HSD17B14: variants seen among roughly 807,000 people sequenced by gnomAD.
HSD17B14 encodes the protein hydroxysteroid 17-beta dehydrogenase 14.
Under a neutral mutation model 32.2 loss-of-function variants are expected in HSD17B14, and 32 were observed. The observed-to-expected ratio is 0.99, with a 90% confidence interval of 0.75 to 1.33. The LOEUF is 1.33. Ranked by LOEUF, HSD17B14 falls within the 40% of genes most tolerant of loss-of-function variation. HSD17B14 has a pLI of 0.00. For missense variants in HSD17B14, 370 were observed against 366.5 expected (o/e 1.01, Z -0.08); for synonymous variants, 140 against 155.4 (o/e 0.90, Z 0.74).
chr19:48,833,485 A>T (rs556370076), intron 3 of HSD17B14, among the ~76,000 whole-genome samples: 22 of 152,286 alleles, frequency 1.4e-4, no homozygotes, highest in Admixed American at 2.6e-4. Context: ...TGAGGTCAGG[A>T]GTTCGAGACC....
chr19:48,823,402 A>G (rs2035191664), intron 5 of HSD17B14, among the ~76,000 whole-genome samples: 2 of 151,948 alleles, frequency 1.3e-5, no homozygotes, highest in African/African-American at 2.4e-5. Flanking sequence ...AGAGCAAGAC[A>G]CTATCTCAAA....
At chr19:48,831,812 G>T in intron 4 of HSD17B14, 53 bp from the exon 5 acceptor site, 1 of 1,037,660 alleles carries the variant, frequency 9.6e-7, no homozygotes, top group Non-Finnish European at 1.5e-6. Context: ...GGACACAGTT[G>T]CCCACGCCTG....
At chr19:48,821,427 T>C (rs1458551719) in intron 5 of HSD17B14, among the ~76,000 whole-genome samples, 1 of 152,174 alleles carries the variant, frequency 6.6e-6, no homozygotes, top group East Asian at 1.9e-4. Context: ...TTTCCTTGAC[T>C]ATCTAAATAT....
intron 2 of HSD17B14, 27 bp downstream of exon 2, chr19:48,835,778 G>C: frequency 1.2e-6 from 2 of 1,613,064 alleles, no homozygotes; most frequent in Non-Finnish European, 1.7e-6. Flanking sequence ...GAAGGGCCAA[G>C]GTGAGGGCTG....
intron 5 of HSD17B14, among the ~76,000 whole-genome samples, chr19:48,823,635 T>C (rs2035195218): frequency 7.4e-6 from 1 of 135,880 alleles, no homozygotes; most frequent in South Asian, 2.3e-4. Context: ...TTCTTTTCTT[T>C]TTTCTTTCTT....
At chr19:48,832,592 T>C (rs1599843507) in intron 4 of HSD17B14, 74 bp downstream of exon 4, 5 of 1,284,522 alleles carry the variant, frequency 3.9e-6, no homozygotes, top group South Asian at 3.7e-5. Context: ...GGGCAGGGAG[T>C]GGGGAAACTG....
At chr19:48,833,269 A>AG (rs1441300231) in intron 3 of HSD17B14, among the ~76,000 whole-genome samples, 1 of 151,350 alleles carries the variant, frequency 6.6e-6, no homozygotes, top group Non-Finnish European at 1.5e-5. Flanking sequence ...ACCCAGGGTC[A>AG]GGGGGTGGGG....
At chr19:48,829,823 A>G (rs2035307993) in intron 5 of HSD17B14, among the ~76,000 whole-genome samples, 1 of 151,010 alleles carries the variant, frequency 6.6e-6, no homozygotes, top group African/African-American at 2.4e-5. Context: ...TTGTATTTTT[A>G]ATAGAGATGG....
chr19:48,829,219 C>T (rs1050597693), intron 5 of HSD17B14, among the ~76,000 whole-genome samples: 14 of 152,144 alleles, frequency 9.2e-5, no homozygotes, highest in African/African-American at 3.1e-4. Context: ...GACAAGGACT[C>T]GCTCTGTTGC....
chr19:48,834,091 T>C (rs1396461957), intron 3 of HSD17B14, among the ~76,000 whole-genome samples, 185 bp downstream of exon 3: 1 of 152,196 alleles, frequency 6.6e-6, no homozygotes, highest in African/African-American at 2.4e-5. Context: ...AGAAGGAACA[T>C]GTGACCTGCC....
intron 5 of HSD17B14, among the ~76,000 whole-genome samples, chr19:48,824,517 T>A (rs953371046): frequency 2.0e-5 from 3 of 151,628 alleles, no homozygotes; most frequent in Admixed American, 6.6e-5. Context: ...ACACCTGTAA[T>A]CCCAGCACTT....
chr19:48,823,246 C>CA (rs945367258), intron 5 of HSD17B14, among the ~76,000 whole-genome samples: 1 of 151,808 alleles, frequency 6.6e-6, no homozygotes, highest in Non-Finnish European at 1.5e-5. Flanking sequence ...TCTGTCTCTA[C>CA]AAAAAAATAA....
chr19:48,818,497 C>G (rs1426747547), intron 5 of HSD17B14, among the ~76,000 whole-genome samples: 1 of 146,956 alleles, frequency 6.8e-6, no homozygotes. Context: ...CTCCATTTCT[C>G]TCTCAGTCTG....
chr19:48,826,165 T>G (rs1268393872), intron 5 of HSD17B14, among the ~76,000 whole-genome samples: 1 of 151,920 alleles, frequency 6.6e-6, no homozygotes, highest in African/African-American at 2.4e-5. Context: ...TGGTGGTTTA[T>G]GTGAAATCTG....
At chr19:48,817,337 C>T (rs974285636) in intron 5 of HSD17B14, among the ~76,000 whole-genome samples, 1 of 150,706 alleles carries the variant, frequency 6.6e-6, no homozygotes, top group African/African-American at 2.5e-5. Context: ...GTCACCATGC[C>T]TGGCTAATTT....
At position 48,815,094 on chromosome 19, in the gene HSD17B14, G is replaced by A; in HGVS notation, c.417C>T (p.Ile139=). 2.5e-6 allele frequency: 4 copies of A among 1,614,008 alleles called. No individual in the cohort carries two copies. The highest frequency in any genetic ancestry group is 3.4e-6 in the Non-Finnish European group (4 of 1,179,962). Residue 139 remains isoleucine (I), a synonymous_variant, in exon 6 of 9, where the codon ATC becomes ATT. Coordinates refer to ENST00000263278, the MANE Select transcript of HSD17B14 (RefSeq NM_016246.3). ...LRKSQGNVIN[I]SSLVGAIGQA... is the part of the protein sequence containing the mutation. ...GGCCGATTGCCCCCACCAGGCTGGA[G>A]ATGTTGATGACATTCCCTTGACTCT...
At chr19:48,814,010 C>T (rs2035008726) in intron 6 of HSD17B14, among the ~76,000 whole-genome samples, 1 of 151,598 alleles carries the variant, frequency 6.6e-6, no homozygotes, top group Admixed American at 6.6e-5. Context: ...GCCTGGCCAA[C>T]ATGGCAAAAC....
chr19:48,832,171 G>A (rs937667283), intron 4 of HSD17B14, among the ~76,000 whole-genome samples: 1 of 150,608 alleles, frequency 6.6e-6, no homozygotes, highest in Admixed American at 6.7e-5. Flanking sequence ...TCTGAGGTCA[G>A]GAGTTCAAGA....
chr19:48,835,483 G>C (rs1403987037), intron 2 of HSD17B14, among the ~76,000 whole-genome samples: 3 of 146,178 alleles, frequency 2.1e-5, no homozygotes, highest in Non-Finnish European at 4.5e-5. Flanking sequence ...AGAGGGGCTG[G>C]GAGCCTGGAC....
Sources: gnomAD v4.1 joint callset for allele counts (sites outside exome capture counted in the v4.1 genomes callset) on GRCh38, gnomAD v4.1.1 for gene constraint, MANE v1.5 for transcripts, NCBI Gene and HGNC (gene_info 2026-07-23, HGNC 2026-07-21) for gene names.